Variants in ADGRF5 observed in about 807,000 individuals in gnomAD.
The protein encoded by ADGRF5 is G-protein coupled receptor 116.
In ADGRF5, 75 loss-of-function variants were observed where a neutral mutation model predicts 132.3. The ratio of observed to expected loss-of-function variants is 0.57; its 90% confidence interval spans 0.47 to 0.69. The LOEUF (loss-of-function observed/expected upper bound fraction) is 0.69. Among genes scored for constraint, ADGRF5 ranks in the 30% least tolerant of loss-of-function variants. The probability of loss-of-function intolerance (pLI) is 0.00; values close to 1 mark genes in which losing one functional copy is unlikely to be tolerated. For synonymous variants in ADGRF5, 629 were observed against 597.6 expected (o/e 1.05, Z -0.77); for missense variants, 1,516 against 1,630.6 (o/e 0.93, Z 1.21).
intron 1 of ADGRF5, among the ~76,000 whole-genome samples, chr6:46,938,803 T>C (rs1252106422): frequency 6.6e-6 from 1 of 152,096 alleles, no homozygotes; most frequent in Non-Finnish European, 1.5e-5. Context: ...TGACCACACA[T>C]GTTCTACCAC....
At chr6:46,923,404 A>G (rs535923928), upstream of ADGRF5, among the ~76,000 whole-genome samples, 4 of 152,184 alleles carry the variant, frequency 2.6e-5, no homozygotes, top group Non-Finnish European at 4.4e-5. Context: ...TTGTCATGCT[A>G]TCAGCCTGTA....
Position 46,858,503 on chromosome 6 carries a change from G to C in ADGRF5, c.3400C>G (p.Leu1134Val). 6.2e-7 allele frequency: 1 copy of C among 1,613,912 alleles called. No homozygotes were observed. Among genetic ancestry groups the C allele is most frequent in the Non-Finnish European group, 8.5e-7 (1 of 1,179,832 alleles). ...ATGGCAAGTGGGCAGCCATAGCCAA[G>C]ACAGAAGGCAATGGCTTTCTGAGTG... ...RSTQKAIAFC[L>V]GYGCPLAISV... Residue 1134 changes from leucine to valine, a missense_variant, in exon 17 of 21, where the codon CTT (leucine) becomes GTT (valine). Physicochemically the swap from Leu to Val is conservative, Grantham distance 32. Around this residue, in one of 2 missense-constraint regions of ADGRF5, gnomAD observed 571 missense variants for 701.2 expected, o/e 0.81. Coordinates refer to ENST00000283296, the MANE Select transcript of ADGRF5 (RefSeq NM_001098518.2).
At chr6:46,872,808 G>C (rs1280927191) in intron 10 of ADGRF5, among the ~76,000 whole-genome samples, 1 of 152,052 alleles carries the variant, frequency 6.6e-6, no homozygotes, top group Non-Finnish European at 1.5e-5. Flanking sequence ...ACTCCTAAGG[G>C]AATCTTCAAA....
upstream of ADGRF5, among the ~76,000 whole-genome samples, chr6:46,925,475 A>G (rs1468177602): frequency 6.6e-6 from 1 of 152,182 alleles, no homozygotes; most frequent in Non-Finnish European, 1.5e-5. Context: ...TAAGCTCCTA[A>G]GTCGAGTGCA....
At chr6:46,854,134 A>G in intron 20 of ADGRF5, 63 bp from the exon 21 acceptor site, 4 of 1,216,278 alleles carry the variant, frequency 3.3e-6, no homozygotes, top group Non-Finnish European at 4.6e-6. Flanking sequence ...GGGTGTGAAC[A>G]TCTCCTAAGG....
chr6:46,857,581 C>T (rs1008321088), intron 17 of ADGRF5, among the ~76,000 whole-genome samples: 1 of 152,084 alleles, frequency 6.6e-6, no homozygotes, highest in Non-Finnish European at 1.5e-5. Context: ...TGCAGGAGAG[C>T]GAAGAAGATG....
chr6:46,879,772 A>C lies in ADGRF5; in HGVS notation c.1036+46T>G, dbSNP rs760109818. Reference sequence around the variant, plus strand: ...ACTATTACATATTTGCTTCTTTATAAGCTCTTCATTCCATTCCTCACACAA... The same window carrying C: ...ACTATTACATATTTGCTTCTTTATACGCTCTTCATTCCATTCCTCACACAA... On this transcript the variant is annotated intron_variant, in intron 9 of 20. Transcript: ENST00000283296. 4.0e-6 allele frequency: 5 copies of C among 1,262,314 alleles called. No individual in the cohort carries two copies. In the African/African-American group the frequency reaches 7.3e-5, roughly 19 times the overall value. The allele number at this position is 1,262,314 out of a possible 1,614,324, so 78.2% of individuals were successfully genotyped here. A position where few individuals can be genotyped will look rare whatever the true frequency, so the allele number is the denominator to read the frequency against.
At chr6:46,894,495 T>TC (rs1274111258) in intron 3 of ADGRF5, among the ~76,000 whole-genome samples, 1 of 152,150 alleles carries the variant, frequency 6.6e-6, no homozygotes, top group Non-Finnish European at 1.5e-5. Flanking sequence ...GTTAGCCCCA[T>TC]CTTACCTAGT....
At chr6:46,862,702 G>GTTTTTTTTTTTT (rs1562148328) in intron 15 of ADGRF5, among the ~76,000 whole-genome samples, 186 bp downstream of exon 15, 1 of 34,386 alleles carries the variant, frequency 2.9e-5, no homozygotes, top group Non-Finnish European at 5.4e-5. Flanking sequence ...TTGAATTGAG[G>GTTTTTTTTTTTT]CTTTTTTTTT....
At chr6:46,907,489 G>C (rs1393203534) in intron 1 of ADGRF5, among the ~76,000 whole-genome samples, 1 of 152,084 alleles carries the variant, frequency 6.6e-6, no homozygotes, top group Non-Finnish European at 1.5e-5. Context: ...ACAGACGTAA[G>C]TCATCATGCC....
chr6:46,854,217 C>T, intron 20 of ADGRF5, 146 bp from the exon 21 acceptor site: 2 of 560,912 alleles, frequency 3.6e-6, no homozygotes, highest in Non-Finnish European at 6.2e-6. Flanking sequence ...ACCTGCCCTC[C>T]TCCCAAGACC....
rs1012047438 is a variant in ADGRF5 at position 46,946,714 on chromosome 6, T to G, written c.-25+8020A>C. Among the ~76,000 whole-genome samples the G allele has an allele frequency of 1.3e-5, 2 of 151,714 alleles. 1 individual carries two copies. On this transcript the variant is annotated intron_variant, in intron 1 of 20. Coordinates refer to the ADGRF5 transcript ENST00000265417. ...GGACAAAACAGGAGGGCAAAAGAGA[T>G]GGGTATTGAGGCTGATCCTGGCACA...
chr6:46,949,541 G>C (rs1422423118), intron 1 of ADGRF5, among the ~76,000 whole-genome samples: 1 of 152,224 alleles, frequency 6.6e-6, no homozygotes, highest in Non-Finnish European at 1.5e-5. Context: ...CAGGCAGACA[G>C]TTCCAGCCAG....
intron 1 of ADGRF5, among the ~76,000 whole-genome samples, chr6:46,940,411 C>A (rs954070725): frequency 6.6e-6 from 1 of 152,210 alleles, no homozygotes; most frequent in Non-Finnish European, 1.5e-5. Flanking sequence ...CCCTATCCAT[C>A]CTTCCAATTC....
At chr6:46,854,218 T>A (rs1581704809) in intron 20 of ADGRF5, 147 bp from the exon 21 acceptor site, 2 of 562,246 alleles carry the variant, frequency 3.6e-6, no homozygotes, top group Non-Finnish European at 6.2e-6. Context: ...CCTGCCCTCC[T>A]CCCAAGACCC....
At chr6:46,863,303 T>C (rs1289203204) in intron 14 of ADGRF5, 1 of 666,724 alleles carries the variant, frequency 1.5e-6, no homozygotes, top group African/African-American at 1.8e-5. Context: ...ACTTCTGTAA[T>C]CGGAACTTCC....
chr6:46,922,942 T>A (rs1409947500), upstream of ADGRF5, among the ~76,000 whole-genome samples: 1 of 152,138 alleles, frequency 6.6e-6, no homozygotes, highest in East Asian at 1.9e-4. Flanking sequence ...GTTGTTTTGT[T>A]TTTAGACGGA....
At chr6:46,913,016 T>G (rs1776094979) in intron 1 of ADGRF5, among the ~76,000 whole-genome samples, 1 of 152,202 alleles carries the variant, frequency 6.6e-6, no homozygotes, top group African/African-American at 2.4e-5. Flanking sequence ...CCTTGCAACA[T>G]ATTTTCATAC....
intron 4 of ADGRF5, among the ~76,000 whole-genome samples, chr6:46,885,048 A>G (rs924060418): frequency 2.6e-5 from 4 of 151,994 alleles, no homozygotes; most frequent in Admixed American, 6.6e-5. Context: ...AAACAATACA[A>G]AAACATTAGC....
Sources: gnomAD v4.1 joint callset for allele counts (sites outside exome capture counted in the v4.1 genomes callset) on GRCh38, gnomAD v4.1.1 for gene constraint, gnomAD v4.1.1 regional missense constraint, MANE v1.5 for transcripts, NCBI Gene and HGNC (gene_info 2026-07-23, HGNC 2026-07-21) for gene names.